Variants in TMEM273 observed in about 807,000 individuals in gnomAD.
The protein encoded by TMEM273 is transmembrane protein 273, also known as chromosome 10 open reading frame 128.
In TMEM273, 19 loss-of-function variants were observed where a neutral mutation model predicts 17.9. The observed-to-expected ratio is 1.06, with a 90% confidence interval of 0.74 to 1.55. TMEM273 has a LOEUF of 1.55. Ranked by LOEUF, TMEM273 falls within the 40% of genes most tolerant of loss-of-function variation. The probability of loss-of-function intolerance (pLI) is 0.00; values close to 1 mark genes in which losing one functional copy is unlikely to be tolerated. For missense variants in TMEM273, 194 were observed against 155.6 expected (o/e 1.25, Z -1.31); for synonymous variants, 66 against 62.0 (o/e 1.07, Z -0.31).
intron 1 of TMEM273, among the ~76,000 whole-genome samples, chr10:49,176,392 G>C (rs1292249351): frequency 6.6e-6 from 1 of 152,224 alleles, no homozygotes; most frequent in Non-Finnish European, 1.5e-5. Context: ...TACAATCCCA[G>C]TGAAGAGGGG....
At chr10:49,165,141 A>T in intron 5 of TMEM273, 64 bp downstream of exon 5, 1 of 1,490,334 alleles carries the variant, frequency 6.7e-7, no homozygotes, top group East Asian at 2.5e-5. Context: ...GCAAAGAATT[A>T]TAAAGAAAAC....
chr10:49,157,179 C>T (rs1023390056), intron 6 of TMEM273, among the ~76,000 whole-genome samples: 1 of 152,240 alleles, frequency 6.6e-6, no homozygotes, highest in South Asian at 2.1e-4. Context: ...CCTCCTCCCA[C>T]CCCTGGCTGC....
chr10:49,165,689 G>C, intron 4 of TMEM273, 77 bp downstream of exon 4: 1 of 1,583,750 alleles, frequency 6.3e-7, no homozygotes, highest in East Asian at 2.2e-5. Flanking sequence ...GGCTGGGGAT[G>C]ACAGGCAAGG....
intron 2 of TMEM273, among the ~76,000 whole-genome samples, chr10:49,167,312 AC>A (rs1846257655): frequency 6.6e-6 from 1 of 152,054 alleles, no homozygotes; most frequent in Admixed American, 6.5e-5. Flanking sequence ...GCCCTTCCTC[AC>A]TGATCCCTTC....
At chr10:49,170,120 G>A (rs1409414269) in intron 1 of TMEM273, among the ~76,000 whole-genome samples, 2 of 152,262 alleles carry the variant, frequency 1.3e-5, no homozygotes, top group African/African-American at 4.8e-5. Context: ...TCCGAGCAGA[G>A]AGGAAGGAAG....
Position 49,161,635 on chromosome 10 carries a change from A to G in TMEM273, c.349-13T>C. On this transcript the variant is annotated splice_polypyrimidine_tract_variant and intron_variant, in intron 5 of 6. Coordinates refer to ENST00000374153, the MANE Select transcript of TMEM273 (RefSeq NM_001288740.3). The stretch of plus-strand genomic sequence containing the variant: ...ATTGTGGTTTCGCCTGCAAAACAAG[A>G]TAAAAGGGTGTTCATTGCCTAAGCC... The G allele has an allele frequency of 6.2e-7, 1 of 1,614,224 alleles. No individual in the cohort carries two copies. Among genetic ancestry groups the G allele is most frequent in the Non-Finnish European group, 8.5e-7 (1 of 1,180,022 alleles).
chr10:49,168,066 G>A (rs1377503781), intron 1 of TMEM273, 104 bp from the exon 2 acceptor site: 2 of 1,371,262 alleles, frequency 1.5e-6, no homozygotes, highest in Admixed American at 3.6e-5. Context: ...TACCCACCAG[G>A]AGCACAGAGG....
chr10:49,177,052 G>A (rs2132242994), intron 1 of TMEM273, among the ~76,000 whole-genome samples: 1 of 152,282 alleles, frequency 6.6e-6, no homozygotes, highest in Non-Finnish European at 1.5e-5. Context: ...GCCAGGGGAG[G>A]CAGGGTCAGA....
chr10:49,164,605 G>A (rs528061466), intron 5 of TMEM273, among the ~76,000 whole-genome samples: 40 of 152,210 alleles, frequency 2.6e-4, no homozygotes, highest in African/African-American at 8.9e-4. Context: ...TCTCTCCAGC[G>A]CTTCCTTCCA....
At chr10:49,172,714 C>A (rs986893537) in intron 1 of TMEM273, among the ~76,000 whole-genome samples, 1 of 152,208 alleles carries the variant, frequency 6.6e-6, no homozygotes, top group African/African-American at 2.4e-5. Context: ...CCTCATTGCA[C>A]ACAGAGCATG....
chr10:49,165,152 T>G, intron 5 of TMEM273, 53 bp downstream of exon 5: 1 of 1,503,006 alleles, frequency 6.7e-7, no homozygotes, highest in Non-Finnish European at 8.9e-7. Flanking sequence ...TAAAGAAAAC[T>G]AAAGCCAAGC....
intron 5 of TMEM273, among the ~76,000 whole-genome samples, chr10:49,163,163 C>T (rs1264356005): frequency 1.3e-5 from 2 of 152,136 alleles, no homozygotes; most frequent in African/African-American, 4.8e-5. Flanking sequence ...AAGAGCTGGC[C>T]AGCATGGAAC....
At chr10:49,174,226 G>A (rs369807538) in intron 1 of TMEM273, among the ~76,000 whole-genome samples, 1 of 152,236 alleles carries the variant, frequency 6.6e-6, no homozygotes, top group South Asian at 2.1e-4. Flanking sequence ...TGGCTTGGGT[G>A]ATATGGGTGC....
rs761224987 is a variant in TMEM273, at chr10:49,161,636, T to C, written c.349-14A>G. 6.2e-6 allele frequency: 10 copies of C among 1,614,194 alleles called. No homozygotes were observed. In the South Asian group the frequency reaches 1.1e-4, roughly 18 times the overall value. On this transcript the variant is annotated splice_polypyrimidine_tract_variant and intron_variant, in intron 5 of 6. Transcript: ENST00000374153. ...TTGTGGTTTCGCCTGCAAAACAAGATAAAAGGGTGTTCATTGCCTAAGCCT... is the reference window on the plus strand; with the variant it reads ...TTGTGGTTTCGCCTGCAAAACAAGACAAAAGGGTGTTCATTGCCTAAGCCT...
chr10:49,188,101 G>T (rs1847834423), intron 1 of TMEM273, among the ~76,000 whole-genome samples, 193 bp downstream of exon 1: 1 of 152,224 alleles, frequency 6.6e-6, no homozygotes, highest in Non-Finnish European at 1.5e-5. Context: ...CTTTAGCCCA[G>T]AAGCATTTGT....
intron 1 of TMEM273, among the ~76,000 whole-genome samples, chr10:49,177,912 A>G (rs1590237271): frequency 6.6e-6 from 1 of 152,156 alleles, no homozygotes; most frequent in East Asian, 1.9e-4. Context: ...CTCAGGCCAC[A>G]CACTGCTTGC....
intron 1 of TMEM273, among the ~76,000 whole-genome samples, chr10:49,171,209 T>TA (rs1324565287): frequency 3.3e-5 from 5 of 152,210 alleles, no homozygotes; most frequent in Non-Finnish European, 7.3e-5. Context: ...GAGGCCATAA[T>TA]AGGCACAGTT....
rs1188726586 is a variant in TMEM273, at chr10:49,165,223, G to A, written c.330C>T (p.Ile110=). The change falls in exon 5 of 7, where the codon ATC becomes ATT. Residue 110 remains isoleucine, a synonymous_variant. Transcript: ENST00000374153. ...ATTGTACCTTAAATAGGCCCTCCATGATGCAGTGGTGACACTGAAGCAGGG... is the reference window on the plus strand; with the variant it reads ...ATTGTACCTTAAATAGGCCCTCCATAATGCAGTGGTGACACTGAAGCAGGG... ...FKSLLQCHHC[I]MEGLFKAKPQ... 2 of 1,550,410 alleles carry A rather than the reference G, an allele frequency of 1.3e-6. No homozygotes were observed. The highest frequency in any genetic ancestry group is 1.7e-6 in the Non-Finnish European group (2 of 1,146,978).
At chr10:49,168,237 C>T (rs183784773) in intron 1 of TMEM273, among the ~76,000 whole-genome samples, 2 of 152,310 alleles carry the variant, frequency 1.3e-5, no homozygotes, top group Non-Finnish European at 2.9e-5. Flanking sequence ...TCCACAAGCT[C>T]CCCTGTGGCT....
Sources: gnomAD v4.1 joint callset for allele counts (sites outside exome capture counted in the v4.1 genomes callset) on GRCh38, gnomAD v4.1.1 for gene constraint, MANE v1.5 for transcripts, NCBI Gene and HGNC (gene_info 2026-07-23, HGNC 2026-07-21) for gene names.